Variants in VAC14 observed in about 807,000 individuals in gnomAD.
The protein encoded by VAC14 is protein VAC14 homolog.
VAC14 carries 47 observed loss-of-function variants against 85.3 expected under a neutral mutation model. That is an observed-to-expected ratio of 0.55 (90% CI 0.44 to 0.70). VAC14 has a LOEUF of 0.70. Ranked by LOEUF, VAC14 falls within the 30% of genes least tolerant of loss-of-function variation. The pLI, the probability that VAC14 is intolerant of heterozygous loss-of-function variation, is 0.00. For missense variants in VAC14, 861 were observed against 1,004.3 expected (o/e 0.86, Z 1.93); for synonymous variants, 447 against 430.5 (o/e 1.04, Z -0.47).
At chr16:70,691,843 G>A (rs1446515239) in intron 18 of VAC14, 1 of 985,286 alleles carries the variant, frequency 1.0e-6, no homozygotes, top group East Asian at 1.1e-4. Context: ...GAGGGCACAG[G>A]GCCTCCGGGC....
intron 14 of VAC14, among the ~76,000 whole-genome samples, chr16:70,728,718 G>T (rs2054502381): frequency 6.6e-6 from 1 of 152,204 alleles, no homozygotes; most frequent in African/African-American, 2.4e-5. Context: ...GCTGAGACAG[G>T]GTGGAAAACC....
At chr16:70,778,514 G>A (rs779144116) in intron 9 of VAC14, 5 of 151,834 alleles carry the variant, frequency 3.3e-5, no homozygotes, top group Non-Finnish European at 5.9e-5. Flanking sequence ...GTAGTTTTTA[G>A]TACATTCACA....
intron 13 of VAC14, among the ~76,000 whole-genome samples, chr16:70,741,396 GGC>G (rs1458332544): frequency 1.3e-5 from 2 of 152,326 alleles, no homozygotes; most frequent in African/African-American, 4.8e-5. Flanking sequence ...GAGGTGGGGG[GGC>G]GGGGAAGCAG....
At chr16:70,786,060 G>T in intron 2 of VAC14, 155 bp downstream of exon 2, 2 of 1,409,178 alleles carry the variant, frequency 1.4e-6, no homozygotes, top group Admixed American at 2.2e-5. Flanking sequence ...CTGCAAGGCC[G>T]CAAAGCCAGC....
intron 13 of VAC14, among the ~76,000 whole-genome samples, chr16:70,739,214 G>A (rs967789151): frequency 6.6e-6 from 1 of 152,218 alleles, no homozygotes; most frequent in African/African-American, 2.4e-5. Flanking sequence ...TCACGGGATG[G>A]ATGGGCAAAG....
chr16:70,796,368 T>C (rs143690688), intron 1 of VAC14, among the ~76,000 whole-genome samples: 126 of 152,306 alleles, frequency 8.3e-4, no homozygotes, highest in African/African-American at 2.7e-3. Context: ...TGGAACACCA[T>C]AGGCAGGACT....
intron 12 of VAC14, among the ~76,000 whole-genome samples, chr16:70,749,691 A>G (rs1567564821): frequency 6.6e-6 from 1 of 152,214 alleles, no homozygotes; most frequent in Non-Finnish European, 1.5e-5. Context: ...GATGGAGGGC[A>G]AGGAATGGCT....
chr16:70,778,216 T>A (rs893229097), intron 9 of VAC14, among the ~76,000 whole-genome samples: 1 of 152,218 alleles, frequency 6.6e-6, no homozygotes, highest in Non-Finnish European at 1.5e-5. Context: ...TAGGCTGCAC[T>A]GGCCGGGAAT....
chr16:70,744,445 T>C lies in VAC14; in HGVS notation c.1506A>G (p.Arg502=). The C allele has an allele frequency of 6.2e-7, 1 of 1,614,018 alleles. No homozygotes were observed. Among genetic ancestry groups the C allele is most frequent in the Middle Eastern group, 1.7e-4 (1 of 6,052 alleles). The change falls in exon 13 of 19, where the codon AGA becomes AGG. Residue 502 remains arginine, a synonymous_variant. Transcript: ENST00000261776. Reference sequence around the variant, plus strand: ...TACCAGAGGTGTTCAGTAGGCCGGCTCTGCCAGGGGTGGGCACCTGGAGCT... The same window carrying C: ...TACCAGAGGTGTTCAGTAGGCCGGCCCTGCCAGGGGTGGGCACCTGGAGCT... ...HSELQVPTPG[R]AGLLNTSGTK...
chr16:70,729,876 C>A lies in VAC14; in HGVS notation c.1661+1619G>T, dbSNP rs568980074. ...TATGCCATCAATTTCGAGATTGTATCTTGGGCCTCGGTACCCCCTTGGAGA... is the reference window on the plus strand; with the variant it reads ...TATGCCATCAATTTCGAGATTGTATATTGGGCCTCGGTACCCCCTTGGAGA... On this transcript the variant is annotated intron_variant, in intron 14 of 18. Coordinates refer to ENST00000261776, the MANE Select transcript of VAC14 (RefSeq NM_018052.5). Among the ~76,000 whole-genome samples, 13 of 152,238 alleles carry A rather than the reference C, an allele frequency of 8.5e-5. No individual in the cohort carries two copies. The East Asian group carries it at 2.3e-3, about 27-fold the overall frequency.
At chr16:70,710,124 G>T (rs1417852324) in intron 14 of VAC14, among the ~76,000 whole-genome samples, 1 of 152,258 alleles carries the variant, frequency 6.6e-6, no homozygotes, top group Non-Finnish European at 1.5e-5. Context: ...GGACAGGAAG[G>T]AACTGAAGCC....
intron 1 of VAC14, among the ~76,000 whole-genome samples, chr16:70,800,203 A>C (rs1455533776): frequency 6.6e-6 from 1 of 152,254 alleles, no homozygotes; most frequent in Non-Finnish European, 1.5e-5. Flanking sequence ...AAAATATCAG[A>C]TCATTGTTAC....
chr16:70,704,076 C>A (rs1362977726), intron 14 of VAC14, among the ~76,000 whole-genome samples: 1 of 152,246 alleles, frequency 6.6e-6, no homozygotes, highest in Non-Finnish European at 1.5e-5. Flanking sequence ...CATCAGGTGC[C>A]AGCCATGGAC....
intron 10 of VAC14, among the ~76,000 whole-genome samples, chr16:70,765,547 T>C (rs1397065899): frequency 6.6e-6 from 1 of 152,208 alleles, no homozygotes; most frequent in Non-Finnish European, 1.5e-5. Flanking sequence ...AAGAGGGAAC[T>C]GAAGCACACA....
intron 12 of VAC14, among the ~76,000 whole-genome samples, chr16:70,761,851 G>A (rs900452037): frequency 5.3e-5 from 8 of 152,228 alleles, no homozygotes; most frequent in Non-Finnish European, 1.0e-4. Context: ...AACTGAGCGT[G>A]CAGCAGGGGC....
chr16:70,731,456 C>T (rs564506053), intron 14 of VAC14, 39 bp downstream of exon 14: 3 of 1,595,720 alleles, frequency 1.9e-6, no homozygotes, highest in South Asian at 1.1e-5. Context: ...AAGCCGGGGC[C>T]GTGGGAGGAA....
At chr16:70,698,900 C>G in intron 14 of VAC14, 89 bp from the exon 15 acceptor site, 1 of 1,219,374 alleles carries the variant, frequency 8.2e-7, no homozygotes, top group Non-Finnish European at 1.1e-6. Flanking sequence ...GGTTTTGCAG[C>G]GTCCTGGGGA....
intron 9 of VAC14, 41 bp downstream of exon 9, chr16:70,780,749 C>T (rs758641301): frequency 1.3e-6 from 2 of 1,531,068 alleles, no homozygotes; most frequent in African/African-American, 2.8e-5. Context: ...GCTCCCTGGG[C>T]CCCCGACAGG....
chr16:70,749,438 T>C (rs1193106947), intron 12 of VAC14, among the ~76,000 whole-genome samples: 1 of 152,274 alleles, frequency 6.6e-6, no homozygotes, highest in African/African-American at 2.4e-5. Flanking sequence ...AAATGTTGTC[T>C]ACAGGTTCGT....
Sources: allele counts gnomAD v4.1 joint callset (sites outside exome capture counted in the v4.1 genomes callset), GRCh38; gene constraint gnomAD v4.1.1; transcripts MANE v1.5; gene names NCBI Gene and HGNC (gene_info 2026-07-23, HGNC 2026-07-21).